The following PTPRS variants were observed in gnomAD, a reference collection of about 807,000 sequenced individuals.
The protein encoded by PTPRS is protein tyrosine phosphatase receptor type S, also known as receptor-type tyrosine-protein phosphatase S.
Under a neutral mutation model 215.3 loss-of-function variants are expected in PTPRS, and 63 were observed. The observed-to-expected ratio is 0.29, with a 90% CI of 0.24 to 0.36. PTPRS has a LOEUF of 0.36. Ranked by LOEUF, PTPRS falls within the 10% of genes least tolerant of loss-of-function variation. The pLI is 1.00. For missense variants in PTPRS, 2,258 were observed against 2,825.8 expected, an observed-to-expected ratio of 0.80 and a Z score of 4.56; for synonymous variants, 1,404 against 1,191.4, an observed-to-expected ratio of 1.18 and a Z score of -3.68.
chr19:5,281,091 C>G (rs2047811808), intron 2 of PTPRS, among the ~76,000 whole-genome samples: 1 of 151,928 alleles, frequency 6.6e-6, no homozygotes, highest in Non-Finnish European at 1.5e-5. Context: ...CGCGCCTGGC[C>G]CCTCAACTCT....
intron 1 of PTPRS, among the ~76,000 whole-genome samples, chr19:5,334,628 C>T (rs1007080064): frequency 7.2e-5 from 11 of 152,146 alleles, no homozygotes; most frequent in African/African-American, 1.9e-4. Context: ...TGTGTGTGTG[C>T]GGGGGGTGTC....
Position 5,231,534 on chromosome 19 carries a change from G to C in PTPRS, c.1931C>G (p.Pro644Arg). Residue 644 changes from proline to arginine, a missense_variant, in exon 14 of 38, where the codon CCG becomes CGG. Transcript: ENST00000262963. Reference protein sequence around the residue: ...AILVSWRPPPPETHNGALVGY... With the variant: ...AILVSWRPPPRETHNGALVGY... ...CACCAGGGCCCCGTTGTGCGTTTCC[G>C]GCGGCGGCGGGCGCCAACTTACCAA... 6.2e-7 allele frequency: 1 copy of C among 1,610,378 alleles called. No homozygotes were observed. The highest frequency in any genetic ancestry group is 8.5e-7 in the Non-Finnish European group (1 of 1,179,250).
At chr19:5,246,893 G>C (rs985610554) in intron 9 of PTPRS, among the ~76,000 whole-genome samples, 6 of 151,882 alleles carry the variant, frequency 4.0e-5, no homozygotes, top group African/African-American at 1.5e-4. Context: ...TTGAGAGAGA[G>C]AGAGAGAGAG....
In PTPRS at chr19:5,273,560, T is replaced by A. The variant is rs1141371; in HGVS notation, c.261A>T (p.Ala87=). The A allele has an allele frequency of 3.4e-5, 55 of 1,614,012 alleles. 2 individuals carry two copies. The African/African-American group carries it at 3.7e-4, about 11-fold the overall frequency. The part of the protein sequence containing the change: ...RFETIEFDES[A]GAVLRIQPLR... ...GCGGCTGGATCCTCAGCACTGCCCC[T>A]GCACTCTCATCAAACTCAATCGTCT... Residue 87 remains alanine (A), a synonymous_variant, in exon 4 of 38, where the codon GCA becomes GCT. Coordinates refer to ENST00000262963, the MANE Select transcript of PTPRS (RefSeq NM_002850.4).
At chr19:5,228,100 G>C (rs549648479) in intron 16 of PTPRS, among the ~76,000 whole-genome samples, 1 of 151,982 alleles carries the variant, frequency 6.6e-6, no homozygotes, top group Non-Finnish European at 1.5e-5. Flanking sequence ...TGAAGCCCAG[G>C]TGGGAACATT....
rs35165317 is a variant in PTPRS at position 5,305,939 on chromosome 19, CAAAAAAAAAAAA to C, written c.-94-19717_-94-19706del. The stretch of plus-strand genomic sequence containing the variant: ...TGGGCGACAGAGCAAGACTCCGTCT[CAAAAAAAAAAAA>C]AAAAAAAAAAAAAAAAAAAGGGCGA... On this transcript the variant is annotated intron_variant, in intron 1 of 37. Transcript: ENST00000262963. 2.3e-3 allele frequency among the ~76,000 whole-genome samples: 51 copies of C among 22,640 alleles called. 2 individuals are homozygous for C. The South Asian group carries it at 0.13, about 57-fold the overall frequency. 14.9% of individuals were successfully genotyped at this position (22,640 alleles called of 152,430 possible).
chr19:5,271,414 T>G (rs1172236127), intron 4 of PTPRS, among the ~76,000 whole-genome samples: 1 of 146,198 alleles, frequency 6.8e-6, no homozygotes, highest in African/African-American at 2.6e-5. Flanking sequence ...TTTTTTTCCC[T>G]GAGACGGAGT....
chr19:5,229,768 T>G, intron 14 of PTPRS, 84 bp from the exon 15 acceptor site: 1 of 852,928 alleles, frequency 1.2e-6, no homozygotes, highest in Non-Finnish European at 1.5e-6. Flanking sequence ...CACTGTCCGA[T>G]TCCAGGATGC....
In PTPRS at chr19:5,315,351, G is replaced by GTT. The variant is rs952833168; in HGVS notation, c.-95+25311_-95+25312dup. ...CATGGAGAATTTTTATTTGAAAAGG[G>GTT]TTTTTTTTTTTTTTTTTTTTTTTTT... On this transcript the variant is annotated intron_variant, in intron 1 of 37. Coordinates refer to ENST00000262963, the MANE Select transcript of PTPRS (RefSeq NM_002850.4). Among the ~76,000 whole-genome samples the GTT allele has an allele frequency of 2.8e-3, 221 of 79,734 alleles. 16 individuals are homozygous for GTT. The highest frequency in any genetic ancestry group is 8.5e-3 in the East Asian group (21 of 2,480). 52.3% of individuals were successfully genotyped at this position (79,734 alleles called of 152,430 possible). A position where few individuals can be genotyped will look rare whatever the true frequency, so the allele number is the denominator to read the frequency against.
rs539109543 is a variant in PTPRS, at chr19:5,220,239, G to A, written c.3549+21C>T. On this transcript the variant is annotated intron_variant, in intron 21 of 37. Coordinates refer to ENST00000262963, the MANE Select transcript of PTPRS (RefSeq NM_002850.4). ...AACTGGAATGCATCTGGGCCCTGCGGGTTGGGCCCCAGGCCCTCACCTCTT... is the reference window on the plus strand; with the variant it reads ...AACTGGAATGCATCTGGGCCCTGCGAGTTGGGCCCCAGGCCCTCACCTCTT... The A allele has an allele frequency of 4.3e-6, 7 of 1,611,774 alleles. No homozygotes were observed. The South Asian group carries it at 7.7e-5, about 18-fold the overall frequency.
chr19:5,281,188 T>C (rs2047819101), intron 2 of PTPRS, among the ~76,000 whole-genome samples: 1 of 151,708 alleles, frequency 6.6e-6, no homozygotes, highest in East Asian at 2.0e-4. Context: ...AAGCTGGGCA[T>C]GGTAGCTCAC....
intron 9 of PTPRS, among the ~76,000 whole-genome samples, chr19:5,251,425 G>A: frequency 7.0e-6 from 1 of 143,752 alleles, no homozygotes; most frequent in South Asian, 2.2e-4. Flanking sequence ...ATGCGCTCTA[G>A]ATACTTTTTT....
chr19:5,240,109 G>T, intron 12 of PTPRS, 90 bp downstream of exon 12: 1 of 1,367,358 alleles, frequency 7.3e-7, no homozygotes, highest in Non-Finnish European at 9.6e-7. Flanking sequence ...CACACATAGG[G>T]ACAAAGAGGG....
intron 18 of PTPRS, 55 bp from the exon 19 acceptor site, chr19:5,222,275 C>T (rs2042042467): frequency 3.4e-6 from 5 of 1,458,408 alleles, no homozygotes; most frequent in Non-Finnish European, 4.8e-6. Flanking sequence ...CCATGAGTGC[C>T]TGGCACTGGG....
chr19:5,217,863 T>C (rs1442620688), intron 25 of PTPRS, among the ~76,000 whole-genome samples: 1 of 152,138 alleles, frequency 6.6e-6, no homozygotes, highest in Non-Finnish European at 1.5e-5. Flanking sequence ...TGATCAAGGA[T>C]AAGGCCTTGA....
intron 1 of PTPRS, among the ~76,000 whole-genome samples, chr19:5,302,024 G>A (rs1346594816): frequency 6.6e-6 from 1 of 152,092 alleles, no homozygotes; most frequent in South Asian, 2.1e-4. Flanking sequence ...CAAATGATCC[G>A]CCTTGCCTTG....
At chr19:5,260,781 G>C (rs767587236) in intron 7 of PTPRS, 24 bp downstream of exon 7, 3 of 1,613,546 alleles carry the variant, frequency 1.9e-6, no homozygotes, top group South Asian at 2.2e-5. Flanking sequence ...GCGTGAGTGG[G>C]TGGGTGAGTG....
intron 1 of PTPRS, among the ~76,000 whole-genome samples, chr19:5,305,538 G>A (rs1478375828): frequency 1.4e-5 from 2 of 139,324 alleles, no homozygotes; most frequent in African/African-American, 5.4e-5. Flanking sequence ...CAGAGAATGA[G>A]ACCCTATCTC....
chr19:5,283,149 C>G (rs1171281638), intron 2 of PTPRS, among the ~76,000 whole-genome samples: 2 of 152,084 alleles, frequency 1.3e-5, no homozygotes, highest in African/African-American at 4.8e-5. Context: ...TGGTGACCCA[C>G]CCACCCTGTC....
Sources: allele counts gnomAD v4.1 joint callset (sites outside exome capture counted in the v4.1 genomes callset), GRCh38; gene constraint gnomAD v4.1.1; transcripts MANE v1.5; gene names NCBI Gene and HGNC (gene_info 2026-07-23, HGNC 2026-07-21).